Variants in IPPK observed in about 807,000 individuals in gnomAD.
IPPK encodes the protein inositol-pentakisphosphate 2-kinase, also known as IPK1 homolog.
IPPK carries 22 observed loss-of-function variants against 64.6 expected under a neutral mutation model. That is an observed-to-expected ratio of 0.34 (90% CI 0.24 to 0.49). IPPK has a LOEUF of 0.49. Ranked by LOEUF, IPPK falls within the 20% of genes least tolerant of loss-of-function variation. IPPK has a pLI of 0.99. For synonymous variants in IPPK, 262 were observed against 247.2 expected (o/e 1.06, Z -0.56); for missense variants, 532 against 630.7 (o/e 0.84, Z 1.68).
chr9:92,655,711 G>A (rs562664355), intron 3 of IPPK, among the ~76,000 whole-genome samples: 45 of 152,242 alleles, frequency 3.0e-4, no homozygotes, highest in African/African-American at 9.1e-4. Context: ...AACTTGTCAC[G>A]GCACAGAGCC....
chr9:92,647,819 G>A (rs2131447857), intron 6 of IPPK, among the ~76,000 whole-genome samples: 1 of 152,278 alleles, frequency 6.6e-6, no homozygotes, highest in South Asian at 2.1e-4. Context: ...ATGAGTCCAG[G>A]AGGTGGAGGC....
At chr9:92,637,736 C>G (rs909781408) in intron 9 of IPPK, among the ~76,000 whole-genome samples, 1 of 152,222 alleles carries the variant, frequency 6.6e-6, no homozygotes. Flanking sequence ...CAGAGAGGAC[C>G]ACAACATATG....
intron 6 of IPPK, among the ~76,000 whole-genome samples, chr9:92,643,732 C>T (rs933558367): frequency 2.0e-5 from 3 of 152,170 alleles, no homozygotes; most frequent in African/African-American, 7.2e-5. Context: ...GGCATGATCC[C>T]ATTTTTGCTT....
chr9:92,619,028 A>AT (rs763513212), intron 12 of IPPK: 16 of 229,940 alleles, frequency 7.0e-5, no homozygotes, highest in Non-Finnish European at 1.3e-4. Context: ...CTGGTTATTC[A>AT]GAAGAGGAAG....
At chr9:92,663,313 G>A (rs549962082) in intron 1 of IPPK, among the ~76,000 whole-genome samples, 5 of 152,174 alleles carry the variant, frequency 3.3e-5, no homozygotes, top group Admixed American at 6.5e-5. Context: ...ACCATGCTGC[G>A]CGGGTCTGAG....
At chr9:92,643,484 G>A (rs1438594731) in intron 6 of IPPK, among the ~76,000 whole-genome samples, 2 of 151,822 alleles carry the variant, frequency 1.3e-5, no homozygotes, top group Non-Finnish European at 2.9e-5. Flanking sequence ...ATGCATAAAT[G>A]ATATGCAGCC....
At chr9:92,645,287 G>C (rs1326520768) in intron 6 of IPPK, among the ~76,000 whole-genome samples, 1 of 152,064 alleles carries the variant, frequency 6.6e-6, no homozygotes, top group Non-Finnish European at 1.5e-5. Context: ...CTACTTGGTG[G>C]GGGCTGAAGC....
At chr9:92,649,332 G>T in intron 5 of IPPK, 121 bp downstream of exon 5, 2 of 1,158,816 alleles carry the variant, frequency 1.7e-6, no homozygotes, top group Non-Finnish European at 1.2e-6. Flanking sequence ...GTTTCCAGGA[G>T]CCAAGGGTGC....
At chr9:92,619,097 C>T (rs1851540103) in intron 12 of IPPK, 2 of 226,800 alleles carry the variant, frequency 8.8e-6, no homozygotes, top group East Asian at 1.0e-4. Flanking sequence ...AAGGCAGGTG[C>T]GCCATGCTGC....
Position 92,637,250 on chromosome 9 carries a change from G to A in IPPK, c.916+751C>T, listed in dbSNP as rs999773360. On this transcript the variant is annotated intron_variant, in intron 9 of 12. Transcript: ENST00000287996. ...GAACCTAGGAGGTGGAGGTTGCAGT[G>A]AGTCGAGATCACACAACTGCACTCT... Among the ~76,000 whole-genome samples, 8 of 152,320 alleles carry A rather than the reference G, an allele frequency of 5.3e-5. 1 individual carries two copies. The East Asian group carries it at 1.3e-3, about 26-fold the overall frequency.
intron 1 of IPPK, among the ~76,000 whole-genome samples, chr9:92,663,282 G>A (rs1852525041): frequency 1.3e-5 from 2 of 152,106 alleles, no homozygotes; most frequent in South Asian, 4.1e-4. Flanking sequence ...TGTCCCAATG[G>A]CCTGCAGTAC....
intron 8 of IPPK, among the ~76,000 whole-genome samples, chr9:92,638,874 A>G (rs544851317): frequency 1.3e-5 from 2 of 152,274 alleles, no homozygotes; most frequent in African/African-American, 4.8e-5. Context: ...TTACAACATC[A>G]ACACTTAGAT....
chr9:92,638,061 C>G lies in IPPK; in HGVS notation c.856G>C (p.Gly286Arg). 5.6e-6 allele frequency: 9 copies of G among 1,607,136 alleles called. No individual in the cohort carries two copies. The highest frequency in any genetic ancestry group is 7.6e-6 in the Non-Finnish European group (9 of 1,177,526). The change falls in exon 9 of 13, where the codon GGG (glycine) becomes CGG (arginine). Residue 286 changes from glycine (G) to arginine (R), a missense_variant. Physicochemically the swap from Gly to Arg is moderately radical, Grantham distance 125. Coordinates refer to ENST00000287996, the MANE Select transcript of IPPK (RefSeq NM_022755.6). ...TCGCAGACTCGCGGGCCCTGAGGCCCGAGCCCCGGACTCAGGGTGCCTGCC... is the reference window on the plus strand; with the variant it reads ...TCGCAGACTCGCGGGCCCTGAGGCCGGAGCCCCGGACTCAGGGTGCCTGCC... ...GRAGTLSPGL[G>R]PQGPRVCEAS...
intron 11 of IPPK, among the ~76,000 whole-genome samples, chr9:92,622,816 G>A (rs1262138495): frequency 5.9e-5 from 9 of 152,002 alleles, no homozygotes; most frequent in Non-Finnish European, 7.4e-5. Flanking sequence ...GCAAAAGGTC[G>A]AGAACAGCCA....
intron 3 of IPPK, among the ~76,000 whole-genome samples, chr9:92,653,544 T>C (rs1368862289): frequency 6.6e-6 from 1 of 152,238 alleles, no homozygotes; most frequent in East Asian, 1.9e-4. Context: ...GTGGGGAATG[T>C]AAACATTCGA....
At position 92,635,181 on chromosome 9, in the gene IPPK, G is replaced by A; in HGVS notation, c.1044C>T (p.Tyr348=). 6.2e-7 allele frequency: 1 copy of A among 1,613,508 alleles called. No homozygotes were observed. Among genetic ancestry groups the A allele is most frequent in the South Asian group, 1.1e-5 (1 of 91,056 alleles). The change falls in exon 10 of 13, where the codon TAC becomes TAT. Residue 348 remains tyrosine, a synonymous_variant. Coordinates refer to ENST00000287996, the MANE Select transcript of IPPK (RefSeq NM_022755.6). This position sits in a 1 kb window ranked among gnomAD's most constrained non-coding sequence, Gnocchi z 4.4. ...LYPLYNRVER[Y]LEEFPEERKT... The stretch of plus-strand genomic sequence containing the variant: ...ACCTCTCCTCGGGAAACTCTTCCAG[G>A]TATCGCTCAACCCGGTTGTACAGAG...
At chr9:92,633,650 A>T (rs1851885120) in intron 11 of IPPK, among the ~76,000 whole-genome samples, 1 of 152,232 alleles carries the variant, frequency 6.6e-6, no homozygotes, top group Non-Finnish European at 1.5e-5. Context: ...AAATATTTTT[A>T]AAAACAAATG....
At chr9:92,659,148 G>A (rs79868162) in intron 1 of IPPK, among the ~76,000 whole-genome samples, 3 of 152,126 alleles carry the variant, frequency 2.0e-5, no homozygotes, top group Non-Finnish European at 2.9e-5. Flanking sequence ...AGAAATACAC[G>A]TGAGCACACA....
chr9:92,641,254 G>A (rs564774367), intron 7 of IPPK, among the ~76,000 whole-genome samples: 163 of 152,286 alleles, frequency 1.1e-3, no homozygotes, highest in Non-Finnish European at 1.9e-3. Context: ...GGGAGCCCTC[G>A]TCCTCCAAGC....
Sources: allele counts gnomAD v4.1 joint callset (sites outside exome capture counted in the v4.1 genomes callset), GRCh38; gene constraint gnomAD v4.1.1; non-coding constraint Gnocchi (gnomAD v3.1); transcripts MANE v1.5; gene names NCBI Gene and HGNC (gene_info 2026-07-23, HGNC 2026-07-21).